The following PTPRR variants were observed in gnomAD, a reference collection of about 807,000 sequenced individuals.
PTPRR encodes receptor-type tyrosine-protein phosphatase R.
A neutral mutation model predicts 77.2 loss-of-function variants in PTPRR; 38 were observed. That is an observed-to-expected ratio of 0.49 (90% CI 0.38 to 0.65). The LOEUF (loss-of-function observed/expected upper bound fraction) is 0.65, where lower values mean the gene tolerates loss of function less well. PTPRR is among the 30% of genes least tolerant of loss of function. The pLI, the probability that PTPRR is intolerant of heterozygous loss-of-function variation, is 0.00. For missense variants in PTPRR, 744 were observed against 799.2 expected (o/e 0.93, Z 0.83); for synonymous variants, 299 against 283.1 (o/e 1.06, Z -0.57).
Position 70,878,921 on chromosome 12 carries a change from C to T in PTPRR, c.357+13758G>A, listed in dbSNP as rs187917351. The stretch of plus-strand genomic sequence containing the variant: ...AATACAACATGGAATACTATGCAGC[C>T]ATAAAAAAGGATGAGTTCATGTCCT... On this transcript the variant is annotated intron_variant, in intron 2 of 13. Transcript: ENST00000283228. 6.2e-3 allele frequency among the ~76,000 whole-genome samples: 936 copies of T among 152,172 alleles called. 15 individuals are homozygous for T. Among genetic ancestry groups the T allele is most frequent in the African/African-American group, 0.021 (882 of 41,518 alleles).
chr12:70,729,019 T>C (rs1592711344), intron 6 of PTPRR, among the ~76,000 whole-genome samples: 1 of 152,174 alleles, frequency 6.6e-6, no homozygotes, highest in Non-Finnish European at 1.5e-5. Flanking sequence ...TTATGGCCAC[T>C]GCTTTCACAT....
intron 2 of PTPRR, among the ~76,000 whole-genome samples, chr12:70,836,301 C>T (rs1056321128): frequency 6.9e-6 from 1 of 144,360 alleles, no homozygotes; most frequent in African/African-American, 2.6e-5. Context: ...TATCTCAAGA[C>T]ATGTGTTTTT....
chr12:70,728,557 A>ATATG (rs1889540727), intron 6 of PTPRR, among the ~76,000 whole-genome samples: 1 of 134,910 alleles, frequency 7.4e-6, no homozygotes, highest in Non-Finnish European at 1.6e-5. Context: ...ATATATATAT[A>ATATG]TATATATGCC....
rs754792281 is a variant in PTPRR, at chr12:70,920,310, C to A, written c.58+23G>T. On this transcript the variant is annotated intron_variant, in intron 1 of 13. Transcript: ENST00000283228. ...TTTCCCATCTCATGCACAGCTCCGGCTCTAAGCCTGGCAACCCCTTACCTG... is the reference window on the plus strand; with the variant it reads ...TTTCCCATCTCATGCACAGCTCCGGATCTAAGCCTGGCAACCCCTTACCTG... 9.3e-6 allele frequency: 15 copies of A among 1,610,178 alleles called. No individual in the cohort carries two copies. The African/African-American group carries it at 1.9e-4, about 20-fold the overall frequency.
At chr12:70,872,556 C>T (rs911323356) in intron 2 of PTPRR, among the ~76,000 whole-genome samples, 16 of 151,610 alleles carry the variant, frequency 1.1e-4, no homozygotes, top group African/African-American at 3.6e-4. Flanking sequence ...ATTAGCCAGG[C>T]GTGGTGGCGG....
chr12:70,816,686 G>A (rs1025302032), intron 2 of PTPRR, among the ~76,000 whole-genome samples: 1 of 151,666 alleles, frequency 6.6e-6, no homozygotes, highest in Non-Finnish European at 1.5e-5. Flanking sequence ...GAAACCACAG[G>A]TCTAGACAAG....
rs554799893 is a variant in PTPRR at position 70,830,084 on chromosome 12, G to A, written c.357+62595C>T. 8.5e-5 allele frequency among the ~76,000 whole-genome samples: 13 copies of A among 152,260 alleles called. No individual in the cohort carries two copies. In the East Asian group the frequency reaches 2.3e-3, roughly 27 times the overall value. On this transcript the variant is annotated intron_variant, in intron 2 of 13. Coordinates refer to ENST00000283228, the MANE Select transcript of PTPRR (RefSeq NM_002849.4). ...TGCATTCCCTCCAAGGGAACAGCAA[G>A]ACCTGATCCACCAAGGACATAAAAC...
At chr12:70,739,545 G>T (rs1157882555) in intron 6 of PTPRR, among the ~76,000 whole-genome samples, 3 of 152,146 alleles carry the variant, frequency 2.0e-5, no homozygotes, top group Non-Finnish European at 4.4e-5. Flanking sequence ...TGTTTACTAT[G>T]TACCAGGGTT....
intron 4 of PTPRR, among the ~76,000 whole-genome samples, chr12:70,760,124 C>T (rs773346807): frequency 2.6e-5 from 4 of 152,152 alleles, no homozygotes; most frequent in Non-Finnish European, 5.9e-5. Context: ...ATTCAAATTA[C>T]ATTTGTCTGC....
At chr12:70,710,560 A>T (rs930691663) in intron 6 of PTPRR, among the ~76,000 whole-genome samples, 1 of 152,204 alleles carries the variant, frequency 6.6e-6, no homozygotes, top group South Asian at 2.1e-4. Flanking sequence ...AATGGGATTT[A>T]ATTAAACCAA....
At chr12:70,840,862 C>T (rs574808619) in intron 2 of PTPRR, among the ~76,000 whole-genome samples, 2 of 152,066 alleles carry the variant, frequency 1.3e-5, no homozygotes, top group South Asian at 4.2e-4. Context: ...ACAAAATTAT[C>T]ACAACAGGGG....
intron 10 of PTPRR, among the ~76,000 whole-genome samples, chr12:70,678,064 G>A (rs1887513920): frequency 6.6e-6 from 1 of 151,476 alleles, no homozygotes; most frequent in Non-Finnish European, 1.5e-5. Context: ...TTTTTGAGAT[G>A]GAGTTGCACT....
chr12:70,652,902 G>A (rs1224714873), intron 13 of PTPRR, among the ~76,000 whole-genome samples: 1 of 152,190 alleles, frequency 6.6e-6, no homozygotes, highest in Non-Finnish European at 1.5e-5. Context: ...AGGGGAGGTG[G>A]GAGATGGGAG....
chr12:70,740,767 T>C (rs1167183207), intron 6 of PTPRR, among the ~76,000 whole-genome samples: 2 of 152,172 alleles, frequency 1.3e-5, no homozygotes, highest in African/African-American at 4.8e-5. Context: ...TAATGCAGTC[T>C]TTATGGTCTC....
chr12:70,639,117 G>A lies in PTPRR; in HGVS notation c.*67C>T. 7.2e-7 allele frequency: 1 copy of A among 1,395,484 alleles called. No individual in the cohort carries two copies. The highest frequency in any genetic ancestry group is 1.0e-6 in the Non-Finnish European group (1 of 999,000). The allele number at this position is 1,395,484 out of a possible 1,614,324, so 86.4% of individuals were successfully genotyped here. A position where few individuals can be genotyped will look rare whatever the true frequency, so the allele number is the denominator to read the frequency against. Reference sequence around the variant, plus strand: ...CTTCCATTGCAGGAAGCTCCTTCTAGAAGCCTTGGGTGGGTAATTTGATTA... The same window carrying A: ...CTTCCATTGCAGGAAGCTCCTTCTAAAAGCCTTGGGTGGGTAATTTGATTA... On this transcript the variant is annotated 3_prime_UTR_variant, in exon 14 of 14. Transcript: ENST00000283228.
chr12:70,784,446 T>A (rs1891277206), intron 2 of PTPRR, among the ~76,000 whole-genome samples: 1 of 152,168 alleles, frequency 6.6e-6, no homozygotes, highest in South Asian at 2.1e-4. Context: ...TCCCTGTCTC[T>A]CCGGAGCTCC....
chr12:70,815,494 T>C (rs1214419207), intron 2 of PTPRR, among the ~76,000 whole-genome samples: 2 of 152,120 alleles, frequency 1.3e-5, no homozygotes, highest in African/African-American at 2.4e-5. Flanking sequence ...AAAACTGTAA[T>C]ACAGCACCTG....
chr12:70,672,539 GA>G, intron 10 of PTPRR: 1 of 1,316,308 alleles, frequency 7.6e-7, no homozygotes, highest in Non-Finnish European at 1.1e-6. Context: ...TGGCTGCTGG[GA>G]AAAACCTTCA....
intron 2 of PTPRR, among the ~76,000 whole-genome samples, chr12:70,878,644 C>T (rs1039013115): frequency 6.6e-6 from 1 of 152,196 alleles, no homozygotes; most frequent in African/African-American, 2.4e-5. Context: ...CACTTTTACA[C>T]TGTTGGTGGG....
Sources: allele counts gnomAD v4.1 joint callset (sites outside exome capture counted in the v4.1 genomes callset), GRCh38; gene constraint gnomAD v4.1.1; transcripts MANE v1.5; gene names NCBI Gene and HGNC (gene_info 2026-07-23, HGNC 2026-07-21).